Variants in COL5A2 observed in about 807,000 individuals in gnomAD.
COL5A2 encodes the protein collagen type V alpha 2 chain.
A neutral mutation model predicts 208.2 loss-of-function variants in COL5A2; 23 were observed. The observed-to-expected ratio is 0.11, with a 90% CI of 0.08 to 0.16. The LOEUF (loss-of-function observed/expected upper bound fraction) is 0.16, where lower values mean the gene tolerates loss of function less well. Among genes scored for constraint, COL5A2 ranks in the 10% least tolerant of loss-of-function variants. The pLI, the probability that COL5A2 is intolerant of heterozygous loss-of-function variation, is 1.00. For missense variants in COL5A2, 1,590 were observed against 1,956.4 expected (o/e 0.81, Z 3.53); for synonymous variants, 625 against 628.5 (o/e 0.99, Z 0.08).
At chr2:189,185,156 T>C (rs1408806328) in intron 1 of COL5A2, among the ~76,000 whole-genome samples, 2 of 152,124 alleles carry the variant, frequency 1.3e-5, no homozygotes, top group African/African-American at 4.8e-5. Context: ...CCCAAGTAGC[T>C]GGGATTACAG....
At chr2:189,397,946 A>G in the COL5A2 span, among the ~76,000 whole-genome samples, 6 of 152,208 alleles carry the variant, frequency 3.9e-5, no homozygotes, top group African/African-American at 1.4e-4. Flanking sequence ...ATCTCTAAAC[A>G]GGGCTTTATA....
At chr2:189,143,533 A>C (rs2105776019) in intron 1 of COL5A2, among the ~76,000 whole-genome samples, 1 of 152,304 alleles carries the variant, frequency 6.6e-6, no homozygotes, top group South Asian at 2.1e-4. Context: ...TATTAGAATG[A>C]GGCTTCTTTG....
intron 2 of COL5A2, among the ~76,000 whole-genome samples, chr2:189,105,857 A>ATT (rs1462429402): frequency 6.6e-6 from 1 of 151,200 alleles, no homozygotes; most frequent in East Asian, 1.9e-4. Context: ...ATTCAACTTC[A>ATT]TTTTTTTCCA....
intron 17 of COL5A2, among the ~76,000 whole-genome samples, chr2:189,075,149 G>C (rs1576509873): frequency 6.6e-6 from 1 of 152,042 alleles, no homozygotes; most frequent in Admixed American, 6.6e-5. Context: ...TCAGGACTTG[G>C]CTTGAAAGTT....
chr2:189,290,502 G>T, the COL5A2 span, among the ~76,000 whole-genome samples: 1 of 152,178 alleles, frequency 6.6e-6, no homozygotes, highest in Non-Finnish European at 1.5e-5. Context: ...CGTTGAAGAC[G>T]TAAATTATAC....
intron 1 of COL5A2, among the ~76,000 whole-genome samples, chr2:189,177,752 A>C (rs1258758623): frequency 6.6e-6 from 1 of 152,206 alleles, no homozygotes; most frequent in Non-Finnish European, 1.5e-5. Flanking sequence ...ATTACTATTA[A>C]GAAAAATTAT....
At chr2:189,416,629 T>C in the COL5A2 span, among the ~76,000 whole-genome samples, 1 of 152,138 alleles carries the variant, frequency 6.6e-6, no homozygotes, top group Non-Finnish European at 1.5e-5. Flanking sequence ...AGTTAATGGG[T>C]GCAGCACACC....
intron 1 of COL5A2, among the ~76,000 whole-genome samples, chr2:189,198,342 G>A (rs143198441): frequency 1.3e-5 from 2 of 152,274 alleles, no homozygotes; most frequent in East Asian, 1.9e-4. Flanking sequence ...TACTGTTGGA[G>A]TAAAGTGGGA....
At chr2:189,180,963 C>A (rs558252159), upstream of COL5A2, among the ~76,000 whole-genome samples, 1 of 152,160 alleles carries the variant, frequency 6.6e-6, no homozygotes, top group South Asian at 2.1e-4. Flanking sequence ...GCAACAGGTG[C>A]CTTGCACTGT....
chr2:189,127,737 C>A (rs566907151), intron 1 of COL5A2, among the ~76,000 whole-genome samples: 7 of 151,996 alleles, frequency 4.6e-5, no homozygotes, highest in Non-Finnish European at 8.8e-5. Flanking sequence ...TCCCAGATTT[C>A]TCTTGCCTGA....
Position 189,057,406 on chromosome 2 carries a change from T to A in COL5A2, c.2251A>T (p.Thr751Ser), listed in dbSNP as rs1307801500. The A allele has an allele frequency of 1.2e-6, 2 of 1,612,014 alleles. No homozygotes were observed. Among genetic ancestry groups the A allele is most frequent in the South Asian group, 2.2e-5 (2 of 90,978 alleles). The change falls in exon 34 of 54, where the codon ACC (threonine) becomes TCC (serine). Residue 751 changes from threonine to serine, a missense_variant. Physicochemically the swap from Thr to Ser is moderately conservative, Grantham distance 58. Coordinates refer to ENST00000374866, the MANE Select transcript of COL5A2 (RefSeq NM_000393.5). Reference sequence around the variant, plus strand: ...CCTGGTGGGCCTGTATCTCCAGGGGTCCCAGATGGACCTGGACTGCCCTAA... The same window carrying A: ...CCTGGTGGGCCTGTATCTCCAGGGGACCCAGATGGACCTGGACTGCCCTAA... Reference protein sequence around the residue: ...GPKGSPGPSGTPGDTGPPGLQ... With the variant: ...GPKGSPGPSGSPGDTGPPGLQ...
At chr2:189,315,273 G>A in the COL5A2 span, among the ~76,000 whole-genome samples, 1 of 152,170 alleles carries the variant, frequency 6.6e-6, no homozygotes, top group African/African-American at 2.4e-5. Context: ...TGCAAGATTG[G>A]TTCAATATAC....
the COL5A2 span, among the ~76,000 whole-genome samples, chr2:189,316,771 A>T: frequency 8.6e-6 from 1 of 116,170 alleles, no homozygotes; most frequent in Non-Finnish European, 1.8e-5. Flanking sequence ...ATTTATTTTT[A>T]GTCACTTAAA....
chr2:189,367,331 C>A, the COL5A2 span, among the ~76,000 whole-genome samples: 1 of 152,196 alleles, frequency 6.6e-6, no homozygotes, highest in Non-Finnish European at 1.5e-5. Context: ...AGTCCCTCAA[C>A]TCTTACTCAA....
At chr2:189,317,984 C>T in the COL5A2 span, among the ~76,000 whole-genome samples, 1 of 152,094 alleles carries the variant, frequency 6.6e-6, no homozygotes, top group Non-Finnish European at 1.5e-5. Flanking sequence ...CAAAATTTTC[C>T]TCTTTAGCAC....
chr2:189,348,285 G>A, the COL5A2 span, among the ~76,000 whole-genome samples: 3 of 152,240 alleles, frequency 2.0e-5, no homozygotes, highest in South Asian at 4.2e-4. Flanking sequence ...AGTGGTCAGT[G>A]TGGCTCATTT....
the COL5A2 span, among the ~76,000 whole-genome samples, chr2:189,404,883 T>C: frequency 1.3e-5 from 2 of 152,220 alleles, no homozygotes; most frequent in Non-Finnish European, 2.9e-5. Context: ...ATGAATATAC[T>C]ACGATGTGTT....
chr2:189,247,741 T>C, the COL5A2 span, among the ~76,000 whole-genome samples: 1 of 151,962 alleles, frequency 6.6e-6, no homozygotes, highest in Non-Finnish European at 1.5e-5. Context: ...TTCCACACCC[T>C]GCTAATTTTT....
intron 1 of COL5A2, among the ~76,000 whole-genome samples, chr2:189,125,078 C>T (rs1408212860): frequency 3.3e-5 from 5 of 152,008 alleles, no homozygotes; most frequent in Non-Finnish European, 7.4e-5. Context: ...GGCTAAATAT[C>T]AAGTATAAAG....
Sources: allele counts gnomAD v4.1 joint callset (sites outside exome capture counted in the v4.1 genomes callset), GRCh38; gene constraint gnomAD v4.1.1; transcripts MANE v1.5; gene names NCBI Gene and HGNC (gene_info 2026-07-23, HGNC 2026-07-21).